Variants in FOXJ3 observed in about 807,000 individuals in gnomAD.
FOXJ3 encodes the protein forkhead box protein J3.
In FOXJ3, 22 loss-of-function variants were observed where a neutral mutation model predicts 76.1. The ratio of observed to expected loss-of-function variants is 0.29; its 90% CI spans 0.21 to 0.41. The LOEUF (loss-of-function observed/expected upper bound fraction) is 0.41, where lower values mean the gene tolerates loss of function less well. Ranked by LOEUF, FOXJ3 falls within the 10% of genes least tolerant of loss-of-function variation. FOXJ3 has a pLI of 1.00. For missense variants in FOXJ3, 613 were observed against 762.1 expected, an observed-to-expected ratio of 0.80 and a Z score of 2.30; for synonymous variants, 269 against 261.2, an observed-to-expected ratio of 1.03 and a Z score of -0.29.
At chr1:42,286,128 T>C (rs1342558704) in intron 2 of FOXJ3, among the ~76,000 whole-genome samples, 6 of 146,058 alleles carry the variant, frequency 4.1e-5, no homozygotes. Flanking sequence ...TAAAAAGAAA[T>C]AAAATAATTT....
chr1:42,216,410 C>A (rs1299701928), intron 5 of FOXJ3, among the ~76,000 whole-genome samples: 1 of 150,892 alleles, frequency 6.6e-6, no homozygotes, highest in Admixed American at 6.6e-5. Flanking sequence ...CCCAGCTACT[C>A]GGGAGGCTGA....
chr1:42,218,466 G>C (rs903030279), intron 5 of FOXJ3, among the ~76,000 whole-genome samples: 3 of 152,312 alleles, frequency 2.0e-5, no homozygotes, highest in Non-Finnish European at 2.9e-5. Flanking sequence ...CTGGATAATT[G>C]TAGATAATGT....
chr1:42,303,573 G>A (rs1416129344), intron 2 of FOXJ3, among the ~76,000 whole-genome samples: 1 of 152,050 alleles, frequency 6.6e-6, no homozygotes, highest in Non-Finnish European at 1.5e-5. Flanking sequence ...ATTCATCTGG[G>A]GCATTCAACT....
chr1:42,286,109 G>A (rs1653037355), intron 2 of FOXJ3, among the ~76,000 whole-genome samples: 1 of 151,944 alleles, frequency 6.6e-6, no homozygotes, highest in Non-Finnish European at 1.5e-5. Flanking sequence ...GTCAACTATG[G>A]AAGAAATCTA....
Position 42,334,212 on chromosome 1 carries a change from G to C in FOXJ3, c.-18+847C>G, listed in dbSNP as rs188214094. On this transcript the variant is annotated intron_variant, in intron 1 of 12. Transcript: ENST00000361346. The stretch of plus-strand genomic sequence containing the variant: ...AAGAATAAGAGCAGCTAATGGAAGA[G>C]GAAAAAAGATGTTAATGAAACTAAG... 1.1e-5 allele frequency: 7 copies of C among 658,316 alleles called. No individual in the cohort carries two copies. In the Middle Eastern group the frequency reaches 2.3e-3, roughly 218 times the overall value. The allele number at this position is 658,316 out of a possible 1,614,324, so 40.8% of individuals were successfully genotyped here.
At chr1:42,269,997 C>A (rs999216920) in intron 3 of FOXJ3, among the ~76,000 whole-genome samples, 3 of 152,164 alleles carry the variant, frequency 2.0e-5, no homozygotes, top group Non-Finnish European at 4.4e-5. Flanking sequence ...AACTTAAAAA[C>A]TTCCAGTGCA....
intron 3 of FOXJ3, among the ~76,000 whole-genome samples, chr1:42,277,537 C>T (rs1170268125): frequency 0.081 from 4,590 of 56,562 alleles, 569 homozygotes; most frequent in Middle Eastern, 0.12. Flanking sequence ...GTGGCTCACG[C>T]CTGTAATCCC....
intron 1 of FOXJ3, among the ~76,000 whole-genome samples, chr1:42,327,550 T>A (rs148686587): frequency 1.1e-4 from 16 of 152,336 alleles, no homozygotes; most frequent in African/African-American, 3.6e-4. Flanking sequence ...CCCCTCTCTC[T>A]GTAAGCAAAC....
rs1157142096 is a variant in FOXJ3 at position 42,178,218 on chromosome 1, T to G, written c.*1492A>C. On this transcript the variant is annotated 3_prime_UTR_variant, in exon 13 of 13. Coordinates refer to ENST00000361346, the MANE Select transcript of FOXJ3 (RefSeq NM_014947.5). The stretch of plus-strand genomic sequence containing the variant: ...CAGAAACAGCAGGCCACATAATATC[T>G]ACATTAAACACTGAAGCAAATAAAA... 1 of 152,156 alleles carries G rather than the reference T, an allele frequency of 6.6e-6. No individual in the cohort carries two copies. Among genetic ancestry groups the G allele is most frequent in the Non-Finnish European group, 1.5e-5 (1 of 68,022 alleles). 9.4% of individuals were successfully genotyped at this position (152,156 alleles called of 1,614,324 possible). A position where few individuals can be genotyped will look rare whatever the true frequency, so the allele number is the denominator to read the frequency against.
At chr1:42,228,776 G>A (rs1346236795) in intron 4 of FOXJ3, among the ~76,000 whole-genome samples, 1 of 152,076 alleles carries the variant, frequency 6.6e-6, no homozygotes, top group Non-Finnish European at 1.5e-5. Context: ...CACACACATG[G>A]GGGAGGAAAG....
At chr1:42,295,843 T>C (rs1033554690) in intron 2 of FOXJ3, among the ~76,000 whole-genome samples, 7 of 152,128 alleles carry the variant, frequency 4.6e-5, no homozygotes, top group Admixed American at 4.6e-4. Context: ...CTTTTGTATA[T>C]AGTGATTTAT....
chr1:42,215,960 T>C (rs993945801), intron 5 of FOXJ3, among the ~76,000 whole-genome samples: 1 of 152,074 alleles, frequency 6.6e-6, no homozygotes, highest in Admixed American at 6.5e-5. Context: ...GAGACCAGCC[T>C]GGTCAACATA....
chr1:42,179,864 G>T lies in FOXJ3; in HGVS notation c.1754-39C>A, dbSNP rs373018372. On this transcript the variant is annotated intron_variant, in intron 12 of 12. Coordinates refer to ENST00000361346, the MANE Select transcript of FOXJ3 (RefSeq NM_014947.5). ...GGCAATAATAGCAGCGACTTGGGTA[G>T]AGAAGAAAGTAAGAAATAAACTAAC... is the stretch of plus-strand genomic sequence containing the variant. The T allele has an allele frequency of 3.7e-4, 493 of 1,326,982 alleles. 1 individual carries two copies. The highest frequency in any genetic ancestry group is 7.3e-4 in the Middle Eastern group (4 of 5,464). The allele number at this position is 1,326,982 out of a possible 1,614,324, so 82.2% of individuals were successfully genotyped here. A position where few individuals can be genotyped will look rare whatever the true frequency, so the allele number is the denominator to read the frequency against.
chr1:42,278,774 C>T, intron 2 of FOXJ3, 102 bp from the exon 3 acceptor site: 1 of 800,988 alleles, frequency 1.2e-6, no homozygotes. Context: ...GAGGGAAAGC[C>T]TGAGTTACAT....
chr1:42,197,550 G>A (rs1646675097), intron 7 of FOXJ3, among the ~76,000 whole-genome samples: 1 of 151,858 alleles, frequency 6.6e-6, no homozygotes, highest in Non-Finnish European at 1.5e-5. Flanking sequence ...ACATGCTCAA[G>A]TCCCTTATAC....
At chr1:42,321,255 C>G (rs1655410808) in intron 1 of FOXJ3, among the ~76,000 whole-genome samples, 1 of 152,110 alleles carries the variant, frequency 6.6e-6, no homozygotes, top group South Asian at 2.1e-4. Context: ...TTTAGGACAA[C>G]GGTTTCCTAT....
intron 2 of FOXJ3, among the ~76,000 whole-genome samples, chr1:42,306,463 T>G (rs1251525359): frequency 6.6e-6 from 1 of 151,886 alleles, no homozygotes; most frequent in Non-Finnish European, 1.5e-5. Flanking sequence ...CCACCACACC[T>G]GGCTAATTTT....
At chr1:42,196,335 C>T (rs964573380) in intron 7 of FOXJ3, among the ~76,000 whole-genome samples, 11 of 152,172 alleles carry the variant, frequency 7.2e-5, no homozygotes, top group African/African-American at 2.4e-4. Context: ...ATAAACCCAA[C>T]CAGCAGCTGC....
At chr1:42,311,776 T>G (rs954140854) in intron 1 of FOXJ3, among the ~76,000 whole-genome samples, 4 of 152,148 alleles carry the variant, frequency 2.6e-5, no homozygotes, top group African/African-American at 7.2e-5. Flanking sequence ...AGGATTTATA[T>G]AACTTCAATG....
Sources: allele counts gnomAD v4.1 joint callset (sites outside exome capture counted in the v4.1 genomes callset), GRCh38; gene constraint gnomAD v4.1.1; transcripts MANE v1.5; gene names NCBI Gene and HGNC (gene_info 2026-07-23, HGNC 2026-07-21).